Variants in ARID5B observed in about 807,000 individuals in gnomAD.
ARID5B encodes the protein AT-rich interactive domain-containing protein 5B.
A neutral mutation model predicts 97.2 loss-of-function variants in ARID5B; 13 were observed. That is an observed-to-expected ratio of 0.13 (90% confidence interval 0.09 to 0.21). The LOEUF is 0.21. Ranked by LOEUF, ARID5B falls within the 10% of genes least tolerant of loss-of-function variation. The pLI, the probability that ARID5B is intolerant of heterozygous loss-of-function variation, is 1.00. For missense variants in ARID5B, 1,210 were observed against 1,465.3 expected, an observed-to-expected ratio of 0.83 and a Z score of 2.84; for synonymous variants, 556 against 570.3, an observed-to-expected ratio of 0.97 and a Z score of 0.36.
rs1290234686 is a variant in ARID5B, at chr10:62,092,103, T to C, written c.2640T>C (p.His880=). 4.3e-6 allele frequency: 7 copies of C among 1,612,616 alleles called. No individual in the cohort carries two copies. Among genetic ancestry groups the C allele is most frequent in the African/African-American group, 1.3e-5 (1 of 74,808 alleles). ...FPSHRHQEKL[H]VNYLTSLHLQ... ...CCCACAGACACCAAGAAAAGCTCCA[T>C]GTAAATTATCTCACGTCCCTGCACC... Residue 880 remains histidine, a synonymous_variant, in exon 10 of 10, where the codon CAT becomes CAC. Coordinates refer to ENST00000279873, the MANE Select transcript of ARID5B (RefSeq NM_032199.3).
chr10:62,074,947 T>C (rs1326360336), intron 8 of ARID5B, among the ~76,000 whole-genome samples: 2 of 152,278 alleles, frequency 1.3e-5, no homozygotes, highest in Non-Finnish European at 2.9e-5. Context: ...TTGTGTTTTG[T>C]ATGCCTCCTT....
intron 3 of ARID5B, among the ~76,000 whole-genome samples, chr10:61,959,018 G>A (rs182558954): frequency 9.5e-4 from 145 of 152,346 alleles, no homozygotes; most frequent in African/African-American, 3.3e-3. Context: ...GCTGTCAGTT[G>A]AAGCTCAGAA....
chr10:61,908,678 T>C (rs1182812393), intron 2 of ARID5B, among the ~76,000 whole-genome samples: 2 of 151,430 alleles, frequency 1.3e-5, no homozygotes, highest in Admixed American at 6.6e-5. Context: ...TGGGCACCTG[T>C]AGTCCCAGCT....
chr10:62,073,621 C>T (rs1840092833), intron 8 of ARID5B, among the ~76,000 whole-genome samples: 1 of 152,216 alleles, frequency 6.6e-6, no homozygotes, highest in African/African-American at 2.4e-5. Flanking sequence ...ATCTATTCAT[C>T]TCTGTCAGTT....
chr10:61,916,257 A>G (rs564891666), intron 2 of ARID5B, among the ~76,000 whole-genome samples: 44 of 152,180 alleles, frequency 2.9e-4, no homozygotes, highest in African/African-American at 1.0e-3. Flanking sequence ...GGGTTTTGCC[A>G]TGTTGGCCAG....
At chr10:61,992,032 C>CA (rs372912200) in intron 3 of ARID5B, among the ~76,000 whole-genome samples, 3,461 of 135,048 alleles carry the variant, frequency 0.026, 71 homozygotes, top group African/African-American at 0.028. Context: ...AACTCTGTCT[C>CA]AAAAAAAAAA....
In ARID5B at chr10:62,073,323, C is replaced by T. The variant is rs532067284; in HGVS notation, c.1199+3526C>T. 4.6e-5 allele frequency among the ~76,000 whole-genome samples: 7 copies of T among 152,218 alleles called. No individual in the cohort carries two copies. The South Asian group carries it at 8.3e-4, about 18-fold the overall frequency. ...CACTGTGGTTCATGTTTCCAGTAAA[C>T]GTTTTCATTTTACAACAAGAAAAAT... On this transcript the variant is annotated intron_variant, in intron 8 of 9. Coordinates refer to ENST00000279873, the MANE Select transcript of ARID5B (RefSeq NM_032199.3).
chr10:62,027,564 C>T (rs1429748019), intron 4 of ARID5B, among the ~76,000 whole-genome samples: 2 of 151,844 alleles, frequency 1.3e-5, no homozygotes, highest in East Asian at 1.9e-4. Context: ...CTGCCCACTT[C>T]GGCCTCCCAA....
intron 4 of ARID5B, among the ~76,000 whole-genome samples, chr10:62,030,985 C>G (rs1416403230): frequency 1.3e-5 from 2 of 152,104 alleles, no homozygotes; most frequent in Admixed American, 6.5e-5. Flanking sequence ...CCTGTAATCC[C>G]AGCACTTTGT....
chr10:62,062,600 C>T (rs1839935153), intron 7 of ARID5B, among the ~76,000 whole-genome samples: 1 of 152,060 alleles, frequency 6.6e-6, no homozygotes, highest in Admixed American at 6.6e-5. Flanking sequence ...ACTACAGAAA[C>T]AGGGTAGAAT....
chr10:61,986,758 T>A (rs1035393501), intron 3 of ARID5B, among the ~76,000 whole-genome samples: 1 of 152,168 alleles, frequency 6.6e-6, no homozygotes. Flanking sequence ...CTCAAGGAAC[T>A]AGTGTTCCTT....
intron 5 of ARID5B, among the ~76,000 whole-genome samples, chr10:62,051,982 C>T (rs1251182895): frequency 4.6e-5 from 7 of 151,900 alleles, no homozygotes; most frequent in Admixed American, 4.6e-4. Context: ...CTGCCATGTA[C>T]TCTACCTCCT....
intron 3 of ARID5B, among the ~76,000 whole-genome samples, chr10:61,996,666 A>G (rs1026616723): frequency 6.6e-6 from 1 of 152,152 alleles, no homozygotes; most frequent in African/African-American, 2.4e-5. Context: ...TTAGTGTTTT[A>G]TTATCAGTAC....
chr10:62,047,269 A>G (rs1011907085), intron 4 of ARID5B, among the ~76,000 whole-genome samples: 3 of 152,192 alleles, frequency 2.0e-5, no homozygotes, highest in African/African-American at 7.2e-5. Flanking sequence ...TGACTTGTAC[A>G]GAGAAAGTGC....
At chr10:62,033,106 A>T (rs1035625204) in intron 4 of ARID5B, among the ~76,000 whole-genome samples, 5 of 152,202 alleles carry the variant, frequency 3.3e-5, no homozygotes, top group African/African-American at 9.7e-5. Context: ...CTATTTATTG[A>T]GTTCCTGCAA....
At chr10:62,006,807 ATTTCT>A (rs796677729) in intron 4 of ARID5B, among the ~76,000 whole-genome samples, 3 of 152,284 alleles carry the variant, frequency 2.0e-5, no homozygotes, top group African/African-American at 7.2e-5. Context: ...AGATTCGAGG[ATTTCT>A]TTTCTGTTTT....
At chr10:62,055,674 T>C (rs1203644347) in intron 5 of ARID5B, among the ~76,000 whole-genome samples, 1 of 152,194 alleles carries the variant, frequency 6.6e-6, no homozygotes, top group Non-Finnish European at 1.5e-5. Context: ...CCCATTTCCA[T>C]AGCCCCTTAA....
Position 61,995,219 on chromosome 10 carries a change from A to G in ARID5B, c.503-4872A>G, listed in dbSNP as rs144820846. Among the ~76,000 whole-genome samples, 32 of 152,346 alleles carry G rather than the reference A, an allele frequency of 2.1e-4. No homozygotes were observed. In the East Asian group the frequency reaches 5.8e-3, roughly 28 times the overall value. ...ACTTTGTTTGTCTTTTACAAAACAAATGTGCAATTTATTCATTCTTAGATT... is the reference window on the plus strand; with the variant it reads ...ACTTTGTTTGTCTTTTACAAAACAAGTGTGCAATTTATTCATTCTTAGATT... On this transcript the variant is annotated intron_variant, in intron 3 of 9. Transcript: ENST00000279873.
At chr10:62,037,505 C>T (rs182171874) in intron 4 of ARID5B, among the ~76,000 whole-genome samples, 42 of 152,322 alleles carry the variant, frequency 2.8e-4, no homozygotes, top group Non-Finnish European at 4.9e-4. Context: ...AACAGCTTTG[C>T]CGTACACAAA....
Sources: allele counts gnomAD v4.1 joint callset (sites outside exome capture counted in the v4.1 genomes callset), GRCh38; gene constraint gnomAD v4.1.1; transcripts MANE v1.5; gene names NCBI Gene and HGNC (gene_info 2026-07-23, HGNC 2026-07-21).